ZIM2: variants seen among roughly 807,000 people sequenced by gnomAD.
The protein encoded by ZIM2 is zinc finger imprinted 2, also known as zinc finger protein 656.
A neutral mutation model predicts 38.6 loss-of-function variants in ZIM2; 14 were observed. The observed-to-expected ratio is 0.36, with a 90% confidence interval of 0.24 to 0.57. The LOEUF (loss-of-function observed/expected upper bound fraction) is 0.57, where lower values mean the gene tolerates loss of function less well. ZIM2 is among the 20% of genes least tolerant of loss of function. The probability of loss-of-function intolerance (pLI) is 0.81; values close to 1 mark genes in which losing one functional copy is unlikely to be tolerated. For synonymous variants in ZIM2, 247 were observed against 245.8 expected (o/e 1.00, Z -0.04); for missense variants, 680 against 695.1 (o/e 0.98, Z 0.24).
rs1396671581 is a variant in ZIM2 at position 56,775,515 on chromosome 19, C to T, written c.850G>A (p.Asp284Asn). The T allele has an allele frequency of 1.2e-6, 2 of 1,609,756 alleles. No homozygotes were observed. Among genetic ancestry groups the T allele is most frequent in the Non-Finnish European group, 1.7e-6 (2 of 1,177,992 alleles). Reference protein sequence around the residue: ...TVICQGESHDDPLEPHQGNQE... With the variant: ...TVICQGESHDNPLEPHQGNQE... ...TTGCCCTGGTGTGGTTCCAATGGAT[C>T]ATCATGAGACTCTCCTGCAGAGACA... The change falls in exon 13 of 13, where the codon GAT becomes AAT. Residue 284 changes from aspartate to asparagine, a missense_variant. Transcript: ENST00000629319.
intron 10 of ZIM2, among the ~76,000 whole-genome samples, chr19:56,782,949 A>G (rs1228132724): frequency 6.6e-6 from 1 of 151,988 alleles, no homozygotes; most frequent in Non-Finnish European, 1.5e-5. Context: ...TATCAATAGT[A>G]GGTCTTATTC....
intron 2 of ZIM2, among the ~76,000 whole-genome samples, 188 bp from the exon 3 acceptor site, chr19:56,826,651 T>C (rs2061064907): frequency 6.6e-6 from 1 of 152,162 alleles, no homozygotes; most frequent in African/African-American, 2.4e-5. Flanking sequence ...ATAAAAAGCT[T>C]TCAAACTGTC....
At position 56,801,835 on chromosome 19, in the gene ZIM2, G is replaced by A. The variant is rs76505576; in HGVS notation, c.491-11884C>T. ...CTGGCCAATAAGGTGTCCAACAACC[G>A]GGATAGGGATGAAGAACATAAAGAA... On this transcript the variant is annotated intron_variant, in intron 9 of 12. Coordinates refer to ENST00000629319, the MANE Select transcript of ZIM2 (RefSeq NM_001387356.1). 4.8e-3 allele frequency among the ~76,000 whole-genome samples: 730 copies of A among 152,230 alleles called. 4 individuals carry two copies. Among genetic ancestry groups the A allele is most frequent in the Non-Finnish European group, 7.1e-3 (482 of 68,010 alleles).
chr19:56,806,203 G>A (rs1011564456), intron 9 of ZIM2, among the ~76,000 whole-genome samples: 2 of 152,144 alleles, frequency 1.3e-5, no homozygotes, highest in Admixed American at 1.3e-4. Flanking sequence ...CCCAATATTT[G>A]TTTGTTTCAT....
Position 56,774,659 on chromosome 19 carries a change from G to T in ZIM2, c.*29C>A. ...TCTAGGAGGAAGCCAATAATGTTGA[G>T]AAAAGTGTGTGCTGTGACTAAAGGT... is the stretch of plus-strand genomic sequence containing the variant. On this transcript the variant is annotated 3_prime_UTR_variant, in exon 13 of 13. Coordinates refer to ENST00000629319, the MANE Select transcript of ZIM2 (RefSeq NM_001387356.1). The T allele has an allele frequency of 6.2e-7, 1 of 1,600,774 alleles. No homozygotes were observed. Among genetic ancestry groups the T allele is most frequent in the South Asian group, 1.1e-5 (1 of 88,626 alleles).
chr19:56,818,545 T>A, intron 8 of ZIM2, 55 bp downstream of exon 8: 1 of 1,593,238 alleles, frequency 6.3e-7, no homozygotes, highest in South Asian at 1.1e-5. Flanking sequence ...AGGAGCAAGA[T>A]GACAAAATGC....
intron 9 of ZIM2, chr19:56,812,603 A>G (rs1199223581): frequency 3.0e-6 from 3 of 985,666 alleles, no homozygotes; most frequent in Non-Finnish European, 3.6e-6. Context: ...CTTGTCACTT[A>G]AGGCAGGAAG....
chr19:56,777,298 G>A (rs925633825), intron 12 of ZIM2, among the ~76,000 whole-genome samples: 6 of 152,192 alleles, frequency 3.9e-5, no homozygotes, highest in Non-Finnish European at 7.3e-5. Flanking sequence ...CTCAAGAACG[G>A]AAGAGTAAGA....
At chr19:56,826,940 G>A (rs1162530762) in intron 2 of ZIM2, among the ~76,000 whole-genome samples, 1 of 152,054 alleles carries the variant, frequency 6.6e-6, no homozygotes, top group African/African-American at 2.4e-5. Flanking sequence ...AGTACCCTAG[G>A]TGAAAGCTAT....
chr19:56,839,350 G>A (rs1374286599), intron 1 of ZIM2, among the ~76,000 whole-genome samples: 1 of 151,534 alleles, frequency 6.6e-6, no homozygotes, highest in Non-Finnish European at 1.5e-5. Context: ...CGCCCCCTCT[G>A]CTACCAACCA....
intron 11 of ZIM2, among the ~76,000 whole-genome samples, chr19:56,780,549 G>A (rs1289807645): frequency 6.6e-6 from 1 of 151,920 alleles, no homozygotes; most frequent in Non-Finnish European, 1.5e-5. Context: ...TGGCCAATAC[G>A]CTTATTTTCA....
chr19:56,816,579 A>G, intron 9 of ZIM2: 3 of 1,613,942 alleles, frequency 1.9e-6, no homozygotes, highest in South Asian at 1.1e-5. Flanking sequence ...TCTCTTTACC[A>G]TACATTTTCT....
intron 1 of ZIM2, among the ~76,000 whole-genome samples, chr19:56,839,182 C>T (rs1211154073): frequency 6.6e-6 from 1 of 152,168 alleles, no homozygotes; most frequent in African/African-American, 2.4e-5. Context: ...CAATGCCACC[C>T]TGTCACTTCA....
At chr19:56,839,596 C>G (rs2062723525) in intron 1 of ZIM2, among the ~76,000 whole-genome samples, 1 of 152,208 alleles carries the variant, frequency 6.6e-6, no homozygotes, top group Non-Finnish European at 1.5e-5. Context: ...ATCACTTCAG[C>G]CTTGCCCCGC....
chr19:56,824,160 G>A, intron 4 of ZIM2, 102 bp downstream of exon 4: 2 of 1,514,176 alleles, frequency 1.3e-6, no homozygotes, highest in East Asian at 2.3e-5. Flanking sequence ...GCCCAGGACA[G>A]AGAGTTATCC....
chr19:56,803,825 A>G (rs2146005673), intron 9 of ZIM2, among the ~76,000 whole-genome samples: 1 of 152,292 alleles, frequency 6.6e-6, no homozygotes, highest in South Asian at 2.1e-4. Context: ...TGCTCTTTTA[A>G]CCCCAGTTTT....
In ZIM2 at chr19:56,781,073, C is replaced by T. The variant is rs868436436; in HGVS notation, c.739+880G>A. 7.6e-4 allele frequency among the ~76,000 whole-genome samples: 115 copies of T among 152,274 alleles called. 1 individual carries two copies. The highest frequency in any genetic ancestry group is 3.4e-3 in the Middle Eastern group (1 of 294). On this transcript the variant is annotated intron_variant, in intron 11 of 12. Coordinates refer to ENST00000629319, the MANE Select transcript of ZIM2 (RefSeq NM_001387356.1). Reference sequence around the variant, plus strand: ...ATTTCCTCTATTTTGATACTATTCCCTCTATTTTAAGTCATAAAATGTGGT... The same window carrying T: ...ATTTCCTCTATTTTGATACTATTCCTTCTATTTTAAGTCATAAAATGTGGT...
intron 9 of ZIM2, chr19:56,810,809 T>C (rs138560597): frequency 4.1e-6 from 4 of 973,584 alleles, no homozygotes; most frequent in East Asian, 1.1e-4. Context: ...TTGTTAGGTG[T>C]TGGGAATATA....
At chr19:56,792,032 T>C (rs1316964014) in intron 9 of ZIM2, among the ~76,000 whole-genome samples, 1 of 151,852 alleles carries the variant, frequency 6.6e-6, no homozygotes, top group African/African-American at 2.4e-5. Flanking sequence ...GAGTTTTTTT[T>C]TTTTTTTTGT....
Sources: allele counts gnomAD v4.1 joint callset (sites outside exome capture counted in the v4.1 genomes callset), GRCh38; gene constraint gnomAD v4.1.1; transcripts MANE v1.5; gene names NCBI Gene and HGNC (gene_info 2026-07-23, HGNC 2026-07-21).